INPP5F: variants seen among roughly 807,000 people sequenced by gnomAD.
INPP5F encodes the protein inositol polyphosphate-5-phosphatase F, also known as phosphatidylinositide 4-phosphatase SAC2.
Under a neutral mutation model 137.2 loss-of-function variants are expected in INPP5F, and 97 were observed. The ratio of observed to expected loss-of-function variants is 0.71; its 90% CI spans 0.60 to 0.84. The LOEUF (loss-of-function observed/expected upper bound fraction) is 0.84. INPP5F is among the 40% of genes least tolerant of loss of function. The pLI is 0.00. For missense variants in INPP5F, 1,271 were observed against 1,371.9 expected (o/e 0.93, Z 1.16); for synonymous variants, 504 against 476.9 (o/e 1.06, Z -0.74).
At chr10:119,736,018 TTC>T (rs1328510769) in intron 1 of INPP5F, among the ~76,000 whole-genome samples, 1 of 152,192 alleles carries the variant, frequency 6.6e-6, no homozygotes, top group African/African-American at 2.4e-5. Flanking sequence ...TAATCCCAGC[TTC>T]TCTGTTAATA....
chr10:119,776,783 CT>C (rs1443416498), intron 2 of INPP5F, among the ~76,000 whole-genome samples: 10 of 151,834 alleles, frequency 6.6e-5, no homozygotes, highest in African/African-American at 2.4e-4. Flanking sequence ...CATAGTCTTG[CT>C]CTGTCATCCA....
intron 18 of INPP5F, among the ~76,000 whole-genome samples, chr10:119,823,514 T>C (rs1373374045): frequency 6.6e-6 from 1 of 152,374 alleles, no homozygotes; most frequent in East Asian, 1.9e-4. Context: ...GTAGGAATCA[T>C]GCCTGTCTCA....
At chr10:119,786,787 G>C (rs957298591) in intron 3 of INPP5F, among the ~76,000 whole-genome samples, 1 of 152,106 alleles carries the variant, frequency 6.6e-6, no homozygotes, top group Admixed American at 6.5e-5. Flanking sequence ...CCAAAGTGCT[G>C]GGGATTATAG....
At chr10:119,784,884 A>C (rs1849826917) in intron 3 of INPP5F, among the ~76,000 whole-genome samples, 1 of 152,172 alleles carries the variant, frequency 6.6e-6, no homozygotes, top group Non-Finnish European at 1.5e-5. Context: ...CCCCAGCACC[A>C]TGCAACCACT....
intron 3 of INPP5F, among the ~76,000 whole-genome samples, chr10:119,785,874 A>G (rs1221938291): frequency 6.6e-6 from 1 of 152,282 alleles, no homozygotes; most frequent in East Asian, 1.9e-4. Context: ...AAGAAAAATT[A>G]AAAACCTGTA....
intron 1 of INPP5F, among the ~76,000 whole-genome samples, chr10:119,740,589 C>T (rs1196329787): frequency 6.6e-6 from 1 of 152,162 alleles, no homozygotes; most frequent in African/African-American, 2.4e-5. Flanking sequence ...TTCGCCCAGG[C>T]TGGAGTGCAG....
intron 2 of INPP5F, among the ~76,000 whole-genome samples, chr10:119,751,833 G>A (rs868498030): frequency 5.3e-5 from 8 of 152,142 alleles, no homozygotes; most frequent in South Asian, 2.1e-4. Flanking sequence ...TTCTTGCTAC[G>A]TTGCCCAGAC....
chr10:119,765,605 C>T (rs962127641), intron 2 of INPP5F, among the ~76,000 whole-genome samples: 5 of 146,060 alleles, frequency 3.4e-5, no homozygotes, highest in Non-Finnish European at 6.0e-5. Context: ...TGGTTTCTAA[C>T]TCCTGAGCTC....
intron 1 of INPP5F, among the ~76,000 whole-genome samples, chr10:119,746,384 T>G (rs1848534107): frequency 6.6e-6 from 1 of 152,202 alleles, no homozygotes; most frequent in Non-Finnish European, 1.5e-5. Context: ...ACAACTGTGG[T>G]CTGTTCATCT....
intron 2 of INPP5F, among the ~76,000 whole-genome samples, chr10:119,764,536 C>G (rs1849099848): frequency 6.6e-6 from 1 of 152,026 alleles, no homozygotes. Context: ...TAATGACCCA[C>G]TTCCACTTAA....
rs1237289629 is a variant in INPP5F at position 119,826,739 on chromosome 10, A to G, written c.2358A>G (p.Gln786=). The part of the protein sequence containing the change: ...FLMSKFSSLN[Q]KVKQTKSNVN... ...TGAGCAAATTTTCATCTCTAAATCA[A>G]AAAGTGAAGCAGACCAAATCCAATG... Residue 786 remains glutamine, a synonymous_variant, in exon 20 of 20, where the codon CAA becomes CAG. Transcript: ENST00000650623. 1.2e-6 allele frequency: 2 copies of G among 1,613,664 alleles called. No homozygotes were observed. Among genetic ancestry groups the G allele is most frequent in the Non-Finnish European group, 1.7e-6 (2 of 1,179,882 alleles).
chr10:119,760,030 G>A (rs550362126), intron 2 of INPP5F, among the ~76,000 whole-genome samples: 30 of 152,288 alleles, frequency 2.0e-4, no homozygotes, highest in African/African-American at 6.7e-4. Context: ...ACATGAATGC[G>A]ACCCACAGTT....
At chr10:119,809,014 A>G (rs535442708) in intron 13 of INPP5F, among the ~76,000 whole-genome samples, 6 of 152,206 alleles carry the variant, frequency 3.9e-5, no homozygotes, top group Non-Finnish European at 5.9e-5. Context: ...ACCTGAGGTC[A>G]GGCATTCAAG....
At position 119,748,036 on chromosome 10, in the gene INPP5F, G is replaced by A. The variant is rs1054117694; in HGVS notation, c.98-3040G>A. Among the ~76,000 whole-genome samples, 15 of 151,864 alleles carry A rather than the reference G, an allele frequency of 9.9e-5. No individual in the cohort carries two copies. Among genetic ancestry groups the A allele is most frequent in the Non-Finnish European group, 1.8e-4 (12 of 67,808 alleles). ...TGGGCTTTTTCCACTGTCTTGGCTCGGCAAGCTGTGCTGGGCTTGCACTAC... is the reference window on the plus strand; with the variant it reads ...TGGGCTTTTTCCACTGTCTTGGCTCAGCAAGCTGTGCTGGGCTTGCACTAC... On this transcript the variant is annotated intron_variant, in intron 1 of 19. Coordinates refer to ENST00000650623, the MANE Select transcript of INPP5F (RefSeq NM_014937.4). The surrounding 1 kb of genome is among the most constrained non-coding windows in gnomAD (Gnocchi z 4.7).
chr10:119,787,346 A>C lies in INPP5F; in HGVS notation c.316-4171A>C, dbSNP rs1849954119. Among the ~76,000 whole-genome samples the C allele has an allele frequency of 1.3e-5, 2 of 152,182 alleles. No homozygotes were observed. The highest frequency in any genetic ancestry group is 4.8e-5 in the African/African-American group (2 of 41,444). ...AAGCCTGTAATCCCAACACTTTGAG[A>C]GGCCGAGGCAAGCAGATAACTTGAG... On this transcript the variant is annotated intron_variant, in intron 3 of 19. Coordinates refer to ENST00000650623, the MANE Select transcript of INPP5F (RefSeq NM_014937.4). This position sits in a 1 kb window ranked among gnomAD's most constrained non-coding sequence, Gnocchi z 4.1.
intron 2 of INPP5F, among the ~76,000 whole-genome samples, chr10:119,759,647 C>T (rs1027545042): frequency 5.9e-5 from 9 of 152,154 alleles, no homozygotes; most frequent in African/African-American, 9.7e-5. Flanking sequence ...TGAGTCACCA[C>T]GCCTGGCCTA....
At position 119,820,874 on chromosome 10, in the gene INPP5F, G is replaced by C. The variant is rs774837119; in HGVS notation, c.1915G>C (p.Asp639His). The change falls in exon 16 of 20, where the codon GAT becomes CAT. Residue 639 changes from aspartate (D) to histidine (H), a missense_variant. Asp to His is a moderately conservative substitution (Grantham distance 81, BLOSUM62 -1). Transcript: ENST00000650623. The part of the protein sequence containing the change: ...SLIDATHRDV[D>H]VLLLLSNSAY... Reference sequence around the variant, plus strand: ...CATTGATGCTACTCACAGAGACGTGGATGTGCTGTTACTGCTTTCTAACTC... The same window carrying C: ...CATTGATGCTACTCACAGAGACGTGCATGTGCTGTTACTGCTTTCTAACTC... 2 of 1,612,088 alleles carry C rather than the reference G, an allele frequency of 1.2e-6. No individual in the cohort carries two copies. The highest frequency in any genetic ancestry group is 1.7e-6 in the Non-Finnish European group (2 of 1,178,146).
rs564088377 is a variant in INPP5F, at chr10:119,754,315, T to C, written c.178+3159T>C. ...CAAATAATGTACAAATGTAAGTTTG[T>C]TAATGGTTGATGAGTTTACGATACA... On this transcript the variant is annotated intron_variant, in intron 2 of 19. Transcript: ENST00000650623. Among the ~76,000 whole-genome samples the C allele has an allele frequency of 9.8e-5, 15 of 152,306 alleles. No individual in the cohort carries two copies. In the South Asian group the frequency reaches 1.7e-3, roughly 17 times the overall value.
At chr10:119,799,654 G>C (rs1850513854) in intron 9 of INPP5F, among the ~76,000 whole-genome samples, 1 of 152,160 alleles carries the variant, frequency 6.6e-6, no homozygotes. Flanking sequence ...AGTTGGTACA[G>C]CCATTTTGAA....
Sources: gnomAD v4.1 joint callset for allele counts (sites outside exome capture counted in the v4.1 genomes callset) on GRCh38, gnomAD v4.1.1 for gene constraint, Gnocchi (gnomAD v3.1) non-coding constraint, MANE v1.5 for transcripts, NCBI Gene and HGNC (gene_info 2026-07-23, HGNC 2026-07-21) for gene names.